MYO16: variants seen among roughly 807,000 people sequenced by gnomAD.
The protein encoded by MYO16 is unconventional myosin-XVI.
A neutral mutation model predicts 205.3 loss-of-function variants in MYO16; 94 were observed. That is an observed-to-expected ratio of 0.46 (90% CI 0.39 to 0.54). The LOEUF (loss-of-function observed/expected upper bound fraction) is 0.54, where lower values mean the gene tolerates loss of function less well. Among genes scored for constraint, MYO16 ranks in the 20% least tolerant of loss-of-function variants. The pLI, the probability that MYO16 is intolerant of heterozygous loss-of-function variation, is 0.00. For synonymous variants in MYO16, 988 were observed against 954.0 expected, an observed-to-expected ratio of 1.04 and a Z score of -0.66; for missense variants, 2,315 against 2,387.5, an observed-to-expected ratio of 0.97 and a Z score of 0.63.
At chr13:108,931,537 A>G (rs61968655) in intron 16 of MYO16, among the ~76,000 whole-genome samples, 14,918 of 152,208 alleles carry the variant, frequency 0.098, 971 homozygotes, top group Non-Finnish European at 0.15. Context: ...GAATGTCAGC[A>G]TCCTCTGTGT....
At chr13:108,751,285 T>C (rs1006318306) in intron 4 of MYO16, among the ~76,000 whole-genome samples, 15 of 152,128 alleles carry the variant, frequency 9.9e-5, no homozygotes, top group African/African-American at 3.6e-4. Context: ...CATCAGCTTG[T>C]AGTGCTTGAA....
chr13:108,865,941 C>A (rs1415186140), intron 11 of MYO16, among the ~76,000 whole-genome samples: 1 of 151,870 alleles, frequency 6.6e-6, no homozygotes. Context: ...TATTTCATTT[C>A]TCTTATGTTC....
At chr13:108,554,960 A>C in the MYO16 span, among the ~76,000 whole-genome samples, 1 of 151,922 alleles carries the variant, frequency 6.6e-6, no homozygotes, top group East Asian at 1.9e-4. Context: ...AACCAATGCA[A>C]ACTTCTCAAA....
At chr13:108,881,744 G>GA (rs56864627) in intron 12 of MYO16, among the ~76,000 whole-genome samples, 16,485 of 152,036 alleles carry the variant, frequency 0.11, 1,079 homozygotes, top group South Asian at 0.27. Context: ...GAAGTTTAGA[G>GA]AAAAAAGAGT....
chr13:108,640,811 G>A (rs191152896), intron 1 of MYO16, among the ~76,000 whole-genome samples: 2 of 152,236 alleles, frequency 1.3e-5, no homozygotes, highest in Admixed American at 1.3e-4. Flanking sequence ...CAACAAGACA[G>A]GTTTGGTTGA....
At chr13:108,595,903 T>TA (rs1878540604), upstream of MYO16, among the ~76,000 whole-genome samples, 1 of 149,394 alleles carries the variant, frequency 6.7e-6, no homozygotes, top group Middle Eastern at 3.2e-3. Context: ...TTTTTTTTTT[T>TA]ACCTTGAGCA....
intron 12 of MYO16, among the ~76,000 whole-genome samples, chr13:108,878,462 C>G (rs535167842): frequency 6.6e-6 from 1 of 152,308 alleles, no homozygotes; most frequent in South Asian, 2.1e-4. Flanking sequence ...AGCTCCCCAT[C>G]CATCCCACTG....
At chr13:108,824,229 T>G (rs1460952544) in intron 9 of MYO16, among the ~76,000 whole-genome samples, 1 of 152,078 alleles carries the variant, frequency 6.6e-6, no homozygotes, top group African/African-American at 2.4e-5. Flanking sequence ...GATAAATTAT[T>G]AAACATTGGA....
At position 108,972,351 on chromosome 13, in the gene MYO16, CATATATATAT is replaced by C. The variant is rs869041443; in HGVS notation, c.2369+7487_2369+7496del. Among the ~76,000 whole-genome samples, 59 of 17,456 alleles carry C rather than the reference CATATATATAT, an allele frequency of 3.4e-3. 6 individuals carry two copies. The highest frequency in any genetic ancestry group is 0.026 in the South Asian group (5 of 192). The allele number at this position is 17,456 out of a possible 152,430, so 11.5% of individuals were successfully genotyped here. A position where few individuals can be genotyped will look rare whatever the true frequency, so the allele number is the denominator to read the frequency against. Reference sequence around the variant, plus strand: ...CCATCTATATATATATATATATAGCCATATATATATATATATATATATATATATATATATA... The same window carrying C: ...CCATCTATATATATATATATATAGCCATATATATATATATATATATATATA... On this transcript the variant is annotated intron_variant, in intron 20 of 34. Coordinates refer to ENST00000457511, the MANE Select transcript of MYO16 (RefSeq NM_001198950.3).
At chr13:108,622,229 T>C (rs568293170) in intron 1 of MYO16, among the ~76,000 whole-genome samples, 3 of 152,318 alleles carry the variant, frequency 2.0e-5, no homozygotes, top group South Asian at 4.1e-4. Flanking sequence ...AAGATAGCAT[T>C]AGATCAATAC....
At chr13:108,754,256 C>CTGT (rs1885348217) in intron 4 of MYO16, among the ~76,000 whole-genome samples, 2 of 151,878 alleles carry the variant, frequency 1.3e-5, no homozygotes, top group African/African-American at 2.4e-5. Context: ...GCAGGACAAG[C>CTGT]AGTAGCATGA....
the MYO16 span, among the ~76,000 whole-genome samples, chr13:108,524,498 T>C: frequency 6.6e-6 from 1 of 152,140 alleles, no homozygotes; most frequent in Non-Finnish European, 1.5e-5. Flanking sequence ...GTAAACCCTG[T>C]ATAACTGTGA....
At chr13:108,928,353 A>G (rs1882101769) in intron 16 of MYO16, among the ~76,000 whole-genome samples, 1 of 152,202 alleles carries the variant, frequency 6.6e-6, no homozygotes, top group Non-Finnish European at 1.5e-5. Context: ...ATTATATTAC[A>G]TGATGTAGTC....
chr13:108,928,741 G>A (rs1882121131), intron 16 of MYO16, among the ~76,000 whole-genome samples: 1 of 152,148 alleles, frequency 6.6e-6, no homozygotes, highest in Non-Finnish European at 1.5e-5. Context: ...TTTCTTTTCA[G>A]CTTAAAATGC....
chr13:108,728,785 G>C, intron 4 of MYO16, among the ~76,000 whole-genome samples: 1 of 146,832 alleles, frequency 6.8e-6, no homozygotes, highest in East Asian at 2.0e-4. Context: ...CAATAAGATC[G>C]CATCTACACT....
chr13:109,069,695 C>T (rs760326278), intron 27 of MYO16, among the ~76,000 whole-genome samples: 1 of 152,056 alleles, frequency 6.6e-6, no homozygotes, highest in African/African-American at 2.4e-5. Context: ...TCTCATGTCT[C>T]TTCTTATAAG....
At chr13:108,751,585 G>T (rs8002899) in intron 4 of MYO16, among the ~76,000 whole-genome samples, 1 of 151,886 alleles carries the variant, frequency 6.6e-6, no homozygotes, top group Non-Finnish European at 1.5e-5. Flanking sequence ...TGACTTCTTT[G>T]CAGAGTTTAC....
the MYO16 span, among the ~76,000 whole-genome samples, chr13:108,523,965 A>G: frequency 1.3e-5 from 2 of 152,204 alleles, no homozygotes; most frequent in African/African-American, 4.8e-5. Context: ...TGCTGTCCTC[A>G]TGATAGCGAA....
chr13:109,138,357 T>C (rs916978333), intron 31 of MYO16, among the ~76,000 whole-genome samples: 1 of 152,246 alleles, frequency 6.6e-6, no homozygotes, highest in Admixed American at 6.5e-5. Context: ...TGGGTATTTC[T>C]AAGACTGGAG....
Sources: allele counts gnomAD v4.1 joint callset (sites outside exome capture counted in the v4.1 genomes callset), GRCh38; gene constraint gnomAD v4.1.1; transcripts MANE v1.5; gene names NCBI Gene and HGNC (gene_info 2026-07-23, HGNC 2026-07-21).